The following COL28A1 variants were observed in gnomAD, a reference collection of about 807,000 sequenced individuals.
COL28A1 encodes collagen type XXVIII alpha 1 chain, also known as collagen alpha-1(XXVIII) chain.
COL28A1 carries 161 observed loss-of-function variants against 150.2 expected under a neutral mutation model. The ratio of observed to expected loss-of-function variants is 1.07; its 90% CI spans 0.94 to 1.22. The LOEUF (loss-of-function observed/expected upper bound fraction) is 1.22, where lower values mean the gene tolerates loss of function less well. Ranked by LOEUF, COL28A1 falls within the 50% of genes most tolerant of loss-of-function variation. COL28A1 has a pLI of 0.00. For missense variants in COL28A1, 1,617 were observed against 1,388.3 expected, an observed-to-expected ratio of 1.16 and a Z score of -2.62; for synonymous variants, 552 against 469.7, an observed-to-expected ratio of 1.18 and a Z score of -2.26.
chr7:7,536,389 C>A (rs2115280110), upstream of COL28A1, among the ~76,000 whole-genome samples: 1 of 150,970 alleles, frequency 6.6e-6, no homozygotes, highest in African/African-American at 2.4e-5. Flanking sequence ...CTGCCCCTAA[C>A]TTTTATGGGG....
In COL28A1 at chr7:7,381,549, G is replaced by T. The variant is rs76149511; in HGVS notation, c.2200C>A (p.Gln734Lys). Residue 734 changes from glutamine (Q) to lysine (K), a missense_variant, in exon 28 of 35, where the codon CAG becomes AAG. Gln to Lys is a moderately conservative substitution (Grantham distance 53, BLOSUM62 1). Transcript: ENST00000399429. ...TAAGATCCTGAGACACTTACCTTCT[G>T]GCCTGGGAGGCCATGGCCCATTGTG... ...KGTMGHGLPG[Q>K]KGEHGERGDV... 4,760 of 1,612,796 alleles carry T rather than the reference G, an allele frequency of 3.0e-3. 153 individuals carry two copies. The African/African-American group carries it at 0.056, about 19-fold the overall frequency.
chr7:7,429,747 T>C (rs1784849397), intron 25 of COL28A1, among the ~76,000 whole-genome samples: 1 of 151,882 alleles, frequency 6.6e-6, no homozygotes, highest in South Asian at 2.1e-4. Context: ...CAAGAAGCAA[T>C]GGAAGGAAGG....
At chr7:7,412,924 T>C (rs962723665) in intron 27 of COL28A1, among the ~76,000 whole-genome samples, 7 of 152,138 alleles carry the variant, frequency 4.6e-5, no homozygotes, top group Non-Finnish European at 2.9e-5. Context: ...GAAACCCAGA[T>C]TCAGGCCAAG....
upstream of COL28A1, among the ~76,000 whole-genome samples, chr7:7,538,474 T>C (rs1782720735): frequency 6.6e-6 from 1 of 152,220 alleles, no homozygotes; most frequent in Non-Finnish European, 1.5e-5. Flanking sequence ...TTAGTGTTTA[T>C]CAGTCACTTG....
intron 27 of COL28A1, among the ~76,000 whole-genome samples, chr7:7,403,755 C>T (rs550868209): frequency 2.6e-5 from 4 of 152,330 alleles, no homozygotes; most frequent in South Asian, 4.1e-4. Context: ...AGGATTGCTA[C>T]ATATGCTACA....
chr7:7,452,765 G>A (rs1472525626), intron 17 of COL28A1, among the ~76,000 whole-genome samples: 2 of 152,136 alleles, frequency 1.3e-5, no homozygotes, highest in African/African-American at 2.4e-5. Flanking sequence ...AGCAGAGAAC[G>A]CAACTCAAGC....
intron 30 of COL28A1, among the ~76,000 whole-genome samples, chr7:7,379,243 C>T (rs1232664450): frequency 6.6e-6 from 1 of 152,208 alleles, no homozygotes; most frequent in Non-Finnish European, 1.5e-5. Context: ...AGGAGCCTAA[C>T]ACAGAGCCTG....
At chr7:7,394,119 T>C (rs1401303154) in intron 27 of COL28A1, among the ~76,000 whole-genome samples, 1 of 152,100 alleles carries the variant, frequency 6.6e-6, no homozygotes, top group Non-Finnish European at 1.5e-5. Context: ...GGGAAAAGCA[T>C]AGTATCTGGA....
Position 7,366,610 on chromosome 7 carries a change from TG to T in COL28A1, c.3066+4114del, listed in dbSNP as rs112040469. ...GTTACGCAGGGTTTTATGAAGAATTTGAATGTTTTTCACGATCACGGTGAGA... is the reference window on the plus strand; with the variant it reads ...GTTACGCAGGGTTTTATGAAGAATTTAATGTTTTTCACGATCACGGTGAGA... On this transcript the variant is annotated intron_variant, in intron 33 of 34. Coordinates refer to ENST00000399429, the MANE Select transcript of COL28A1 (RefSeq NM_001037763.3). 1.3e-3 allele frequency among the ~76,000 whole-genome samples: 204 copies of T among 152,328 alleles called. 1 individual carries two copies. Among genetic ancestry groups the T allele is most frequent in the African/African-American group, 3.8e-3 (160 of 41,562 alleles).
intron 33 of COL28A1, among the ~76,000 whole-genome samples, chr7:7,364,819 T>G (rs1478951092): frequency 2.0e-5 from 3 of 152,066 alleles, no homozygotes; most frequent in Non-Finnish European, 4.4e-5. Context: ...TTTCTTTCTT[T>G]TCTTCTTTCT....
At chr7:7,370,974 T>C (rs539208208) in intron 32 of COL28A1, 92 bp from the exon 33 acceptor site, 4 of 848,116 alleles carry the variant, frequency 4.7e-6, no homozygotes, top group East Asian at 2.7e-5. Flanking sequence ...CCTTAAAATA[T>C]GTAATTTCCC....
the COL28A1 span, among the ~76,000 whole-genome samples, chr7:7,339,047 C>T: frequency 6.6e-6 from 1 of 152,086 alleles, no homozygotes; most frequent in African/African-American, 2.4e-5. Flanking sequence ...AGTTCTAAGC[C>T]GACTCCAAAT....
At chr7:7,537,617 A>G (rs1270338584), upstream of COL28A1, among the ~76,000 whole-genome samples, 1 of 152,198 alleles carries the variant, frequency 6.6e-6, no homozygotes, top group Admixed American at 6.5e-5. Context: ...AGCCTCACTT[A>G]TAACAACTAC....
At chr7:7,461,275 A>G (rs1562729034) in intron 15 of COL28A1, among the ~76,000 whole-genome samples, 2 of 152,334 alleles carry the variant, frequency 1.3e-5, no homozygotes, top group East Asian at 1.9e-4. Flanking sequence ...TCTGCCTCAC[A>G]TCACTGGGGT....
intron 13 of COL28A1, among the ~76,000 whole-genome samples, chr7:7,485,638 T>G (rs987441716): frequency 9.9e-5 from 15 of 152,214 alleles, no homozygotes; most frequent in African/African-American, 3.6e-4. Flanking sequence ...TTACTTTTTG[T>G]ATAAGGTGTG....
intron 13 of COL28A1, 100 bp from the exon 14 acceptor site, chr7:7,477,280 C>A: frequency 2.8e-6 from 2 of 724,274 alleles, no homozygotes; most frequent in Non-Finnish European, 2.4e-6. Context: ...GGTTATATTT[C>A]AGTTTACATG....
At chr7:7,500,493 A>G (rs943601599) in intron 11 of COL28A1, among the ~76,000 whole-genome samples, 1 of 152,212 alleles carries the variant, frequency 6.6e-6, no homozygotes, top group East Asian at 1.9e-4. Flanking sequence ...TCTTCTGCCA[A>G]TGGTTCCTAT....
intron 15 of COL28A1, among the ~76,000 whole-genome samples, chr7:7,472,960 T>A (rs1458002321): frequency 2.0e-5 from 3 of 152,138 alleles, no homozygotes; most frequent in Non-Finnish European, 4.4e-5. Context: ...TCAGCTGGAA[T>A]AATTGGCAAG....
intron 15 of COL28A1, among the ~76,000 whole-genome samples, chr7:7,459,761 C>T (rs1364846915): frequency 6.6e-6 from 1 of 152,186 alleles, no homozygotes; most frequent in East Asian, 1.9e-4. Flanking sequence ...GAGGAGCTGA[C>T]CTGACCCTGG....
Sources: allele counts gnomAD v4.1 joint callset (sites outside exome capture counted in the v4.1 genomes callset), GRCh38; gene constraint gnomAD v4.1.1; transcripts MANE v1.5; gene names NCBI Gene and HGNC (gene_info 2026-07-23, HGNC 2026-07-21).